CELF2: variants seen among roughly 807,000 people sequenced by gnomAD.
The protein encoded by CELF2 is CUG triplet repeat RNA-binding protein 2.
A neutral mutation model predicts 62.6 loss-of-function variants in CELF2; 8 were observed. The observed-to-expected ratio is 0.13, with a 90% CI of 0.07 to 0.23. The LOEUF is 0.23. CELF2 is among the 10% of genes least tolerant of loss of function. The pLI is 1.00. For missense variants in CELF2, 333 were observed against 671.0 expected (o/e 0.50, Z 5.56); for synonymous variants, 258 against 250.0 (o/e 1.03, Z -0.30).
At chr10:10,517,749 T>C in the CELF2 span, among the ~76,000 whole-genome samples, 2 of 152,182 alleles carry the variant, frequency 1.3e-5, no homozygotes, top group South Asian at 4.1e-4. Context: ...GCCCAGATGC[T>C]GCCATAATTC....
chr10:11,300,472 G>T lies in CELF2; in HGVS notation c.976+11920G>T, dbSNP rs1277636494. Among the ~76,000 whole-genome samples, 3 of 152,200 alleles carry T rather than the reference G, an allele frequency of 2.0e-5. No homozygotes were observed. The highest frequency in any genetic ancestry group is 4.4e-5 in the Non-Finnish European group (3 of 68,040). ...GGGAAGGTACCCTCTTCCAGGCTGGGAGTGTGAGGTCACACCTCACCACTG... is the reference window on the plus strand; with the variant it reads ...GGGAAGGTACCCTCTTCCAGGCTGGTAGTGTGAGGTCACACCTCACCACTG... On this transcript the variant is annotated intron_variant, in intron 9 of 12. Transcript: ENST00000633077. The surrounding 1 kb of genome is among the most constrained non-coding windows in gnomAD (Gnocchi z 5.5).
rs190486477 is a variant in CELF2, at chr10:10,966,606, A to G, written c.89+46607A>G. The G allele has an allele frequency of 2.6e-5, 4 of 152,384 alleles. No homozygotes were observed. In the East Asian group the frequency reaches 7.7e-4, roughly 29 times the overall value. 9.4% of individuals were successfully genotyped at this position (152,384 alleles called of 1,614,324 possible). ...CTGATAAAGATGGTGCTTGGGACACACATTCTCCTTCCTTTCTGGAGGAAA... is the reference window on the plus strand; with the variant it reads ...CTGATAAAGATGGTGCTTGGGACACGCATTCTCCTTCCTTTCTGGAGGAAA... On this transcript the variant is annotated intron_variant, in intron 2 of 13. Transcript: ENST00000636488.
intron 2 of CELF2, among the ~76,000 whole-genome samples, chr10:11,209,376 T>C (rs2135578649): frequency 6.6e-6 from 1 of 151,842 alleles, no homozygotes; most frequent in East Asian, 1.9e-4. Flanking sequence ...ATGTGACCAT[T>C]TCCTAGCAGT....
intron 1 of CELF2, among the ~76,000 whole-genome samples, chr10:11,087,527 C>T (rs969928784): frequency 1.3e-5 from 2 of 152,204 alleles, no homozygotes; most frequent in Non-Finnish European, 2.9e-5. Flanking sequence ...TAGAACATGG[C>T]ACTGTTATCG....
intron 2 of CELF2, among the ~76,000 whole-genome samples, chr10:10,929,963 A>G (rs769139266): frequency 6.6e-6 from 1 of 152,256 alleles, no homozygotes; most frequent in Non-Finnish European, 1.5e-5. Context: ...GAAAATAACA[A>G]TCACTTAAAG....
At chr10:10,867,849 A>G (rs1343301641) in intron 1 of CELF2, among the ~76,000 whole-genome samples, 2 of 152,332 alleles carry the variant, frequency 1.3e-5, no homozygotes, top group Non-Finnish European at 2.9e-5. Flanking sequence ...GCCTTCAAGT[A>G]TGTAGTGACC....
chr10:11,058,716 C>G (rs891250142), intron 1 of CELF2, among the ~76,000 whole-genome samples: 4 of 151,998 alleles, frequency 2.6e-5, no homozygotes, highest in African/African-American at 9.7e-5. Context: ...GATCCACCCC[C>G]CTCAGCCTCC....
At chr10:11,295,455 T>C (rs2139942634) in intron 9 of CELF2, among the ~76,000 whole-genome samples, 1 of 152,396 alleles carries the variant, frequency 6.6e-6, no homozygotes, top group Middle Eastern at 3.4e-3. Context: ...CAATATTTTG[T>C]ATATCTTACG....
intron 1 of CELF2, among the ~76,000 whole-genome samples, chr10:11,045,013 A>C (rs1376439482): frequency 6.6e-6 from 1 of 152,238 alleles, no homozygotes. Context: ...GAATAGCCAA[A>C]AATAAGTAAG....
At chr10:11,093,671 C>A (rs911749301) in intron 1 of CELF2, among the ~76,000 whole-genome samples, 18 of 152,298 alleles carry the variant, frequency 1.2e-4, no homozygotes, top group African/African-American at 4.1e-4. Flanking sequence ...AATTTTGATT[C>A]ATCAGGGAGC....
intron 1 of CELF2, among the ~76,000 whole-genome samples, chr10:10,801,671 A>G (rs2054672792): frequency 6.6e-6 from 1 of 152,236 alleles, no homozygotes; most frequent in South Asian, 2.1e-4. Context: ...AACATTTGAT[A>G]TGTAAAGCAT....
At chr10:10,708,518 A>G in the CELF2 span, among the ~76,000 whole-genome samples, 1 of 152,206 alleles carries the variant, frequency 6.6e-6, no homozygotes, top group East Asian at 1.9e-4. Flanking sequence ...CTTAACAAAT[A>G]TAATATCAGT....
intron 1 of CELF2, among the ~76,000 whole-genome samples, chr10:11,021,856 A>C (rs923582740): frequency 2.0e-5 from 3 of 152,260 alleles, no homozygotes; most frequent in Non-Finnish European, 2.9e-5. Context: ...GAGAATGAGC[A>C]TAAGAAATAA....
the CELF2 span, among the ~76,000 whole-genome samples, chr10:10,646,357 A>G: frequency 6.6e-6 from 1 of 152,244 alleles, no homozygotes; most frequent in Non-Finnish European, 1.5e-5. Context: ...ATCCATTTCA[A>G]CGAAAGCCAC....
At chr10:11,066,116 C>A (rs1383530770) in intron 1 of CELF2, among the ~76,000 whole-genome samples, 1 of 152,166 alleles carries the variant, frequency 6.6e-6, no homozygotes, top group African/African-American at 2.4e-5. Context: ...CCCAGCCACA[C>A]AGGGCCTTGT....
intron 1 of CELF2, among the ~76,000 whole-genome samples, chr10:11,063,256 GAA>G (rs1274604986): frequency 5.3e-5 from 8 of 152,140 alleles, no homozygotes; most frequent in African/African-American, 1.7e-4. Flanking sequence ...CAGTATTTAG[GAA>G]CATGGCACAT....
At chr10:10,803,356 C>T (rs1311775925) in intron 1 of CELF2, among the ~76,000 whole-genome samples, 1 of 152,242 alleles carries the variant, frequency 6.6e-6, no homozygotes, top group African/African-American at 2.4e-5. Flanking sequence ...TCTCCTCCCT[C>T]TCTCCCCACA....
chr10:10,537,054 T>C, the CELF2 span, among the ~76,000 whole-genome samples: 2 of 152,184 alleles, frequency 1.3e-5, no homozygotes, highest in Non-Finnish European at 2.9e-5. Context: ...AAAATGCCAC[T>C]GCCGGAGTAA....
intron 2 of CELF2, chr10:10,935,354 G>C (rs1429771156): frequency 6.6e-6 from 1 of 152,190 alleles, no homozygotes; most frequent in African/African-American, 2.4e-5. Context: ...ACGAGACATT[G>C]TAGCTATTCA....
Sources: gnomAD v4.1 joint callset for allele counts (sites outside exome capture counted in the v4.1 genomes callset) on GRCh38, gnomAD v4.1.1 for gene constraint, Gnocchi (gnomAD v3.1) non-coding constraint, MANE v1.5 for transcripts, NCBI Gene and HGNC (gene_info 2026-07-23, HGNC 2026-07-21) for gene names.